REXO1: variants seen among roughly 807,000 people sequenced by gnomAD.
REXO1 encodes REX1, RNA exonuclease 1 homolog.
Under a neutral mutation model 102.6 loss-of-function variants are expected in REXO1, and 42 were observed. That is an observed-to-expected ratio of 0.41 (90% CI 0.32 to 0.53). The LOEUF (loss-of-function observed/expected upper bound fraction) is 0.53, where lower values mean the gene tolerates loss of function less well. REXO1 is among the 20% of genes least tolerant of loss of function. The probability of loss-of-function intolerance (pLI) is 0.27; values close to 1 mark genes in which losing one functional copy is unlikely to be tolerated. For missense variants in REXO1, 1,819 were observed against 1,732.5 expected, an observed-to-expected ratio of 1.05 and a Z score of -0.89; for synonymous variants, 908 against 779.1, an observed-to-expected ratio of 1.17 and a Z score of -2.76.
At position 1,818,418 on chromosome 19, in the gene REXO1, C is replaced by G. The variant is rs556514298; in HGVS notation, c.3016+64G>C. 83 of 1,309,026 alleles carry G rather than the reference C, an allele frequency of 6.3e-5. No homozygotes were observed. The African/African-American group carries it at 1.2e-3, about 18-fold the overall frequency. 81.1% of individuals were successfully genotyped at this position (1,309,026 alleles called of 1,614,324 possible). Reference sequence around the variant, plus strand: ...AGCCTTACCCCAGTTCTGGGGGCCTCAAGGGAGGGCCCAGGTTCCGGGGGC... The same window carrying G: ...AGCCTTACCCCAGTTCTGGGGGCCTGAAGGGAGGGCCCAGGTTCCGGGGGC... On this transcript the variant is annotated intron_variant, in intron 10 of 15. Coordinates refer to ENST00000170168, the MANE Select transcript of REXO1 (RefSeq NM_020695.4).
At chr19:1,840,862 G>A (rs2011242517) in intron 1 of REXO1, among the ~76,000 whole-genome samples, 1 of 152,170 alleles carries the variant, frequency 6.6e-6, no homozygotes, top group South Asian at 2.1e-4. Context: ...GCTTTACAGA[G>A]AACACTGAAG....
rs780996743 is a variant in REXO1 at position 1,827,366 on chromosome 19, G to A, written c.1423C>T (p.Arg475Cys). Residue 475 changes from arginine (R) to cysteine (C), a missense_variant, in exon 2 of 16, where the codon CGC becomes TGC. Coordinates refer to ENST00000170168, the MANE Select transcript of REXO1 (RefSeq NM_020695.4). The stretch of plus-strand genomic sequence containing the variant: ...TTCCTGTCGGGCAGCTGGAGGGGGC[G>A]GGGTGGGCCTCTGCCGGCCGCCGGT... Reference protein sequence around the residue: ...SRPAAGRGPPRPLQLPDRKST... With the variant: ...SRPAAGRGPPCPLQLPDRKST... The A allele has an allele frequency of 9.1e-6, 14 of 1,537,470 alleles. No individual in the cohort carries two copies. Among genetic ancestry groups the A allele is most frequent in the South Asian group, 1.2e-5 (1 of 85,486 alleles).
At chr19:1,821,023 C>CAAAAAAACA (rs1568685367) in intron 5 of REXO1, among the ~76,000 whole-genome samples, 4 of 148,878 alleles carry the variant, frequency 2.7e-5, no homozygotes, top group Non-Finnish European at 4.5e-5. Context: ...ACCAACCAAC[C>CAAAAAAACA]AAAAAAACAA....
At chr19:1,829,399 C>G (rs1408510664) in intron 1 of REXO1, among the ~76,000 whole-genome samples, 1 of 152,232 alleles carries the variant, frequency 6.6e-6, no homozygotes, top group Admixed American at 6.5e-5. Flanking sequence ...CCATCACACC[C>G]AGCTAATTTT....
intron 12 of REXO1, 68 bp from the exon 13 acceptor site, chr19:1,816,881 C>CT (rs1373675021): frequency 4.1e-6 from 5 of 1,211,408 alleles, no homozygotes; most frequent in East Asian, 4.8e-5. Flanking sequence ...TTCCCTGCCC[C>CT]TTTGAGTCTC....
In REXO1 at chr19:1,828,495, C is replaced by T; in HGVS notation, c.294G>A (p.Val98=). ...GCTGCTCCAGCTCCACCTCACTGCG[C>T]ACGGCCTCGATGGCCTGGTTGACCA... ...LELVNQAIEA[V]RSEVELEQRR... Residue 98 remains valine, a synonymous_variant, in exon 2 of 16, where the codon GTG becomes GTA. Coordinates refer to ENST00000170168, the MANE Select transcript of REXO1 (RefSeq NM_020695.4). 6.2e-7 allele frequency: 1 copy of T among 1,605,402 alleles called. No homozygotes were observed. The highest frequency in any genetic ancestry group is 8.5e-7 in the Non-Finnish European group (1 of 1,179,818).
chr19:1,848,192 C>G lies in REXO1; in HGVS notation c.157+10G>C. On this transcript the variant is annotated intron_variant, in intron 1 of 15. Transcript: ENST00000170168. ...GCCGAGCCCAAGGCAAGCAGGCGGGCGGGCATTACCTGCTGCGGGGGGCGC... is the reference window on the plus strand; with the variant it reads ...GCCGAGCCCAAGGCAAGCAGGCGGGGGGGCATTACCTGCTGCGGGGGGCGC... 8.3e-7 allele frequency: 1 copy of G among 1,200,968 alleles called. No individual in the cohort carries two copies. The highest frequency in any genetic ancestry group is 1.0e-6 in the Non-Finnish European group (1 of 960,302). 74.4% of individuals were successfully genotyped at this position (1,200,968 alleles called of 1,614,324 possible).
chr19:1,848,055 G>A, intron 1 of REXO1, 147 bp downstream of exon 1: 1 of 392,664 alleles, frequency 2.5e-6, no homozygotes, highest in East Asian at 3.8e-5. Flanking sequence ...CAGGGTGGGT[G>A]GTTCCGGTCC....
At position 1,816,250 on chromosome 19, in the gene REXO1, G is replaced by A; in HGVS notation, c.3552C>T (p.Tyr1184=). The part of the protein sequence containing the change: ...KRSLRNLMAD[Y]LRQIIQDNVD... The stretch of plus-strand genomic sequence containing the variant: ...CATTGTCCTGGATGATCTGTCTGAG[G>A]TAGTCGGCCATGAGGTTCCGCAGGG... The change falls in exon 15 of 16, where the codon TAC becomes TAT. Residue 1184 remains tyrosine, a synonymous_variant. Transcript: ENST00000170168. The A allele has an allele frequency of 6.3e-7, 1 of 1,589,408 alleles. No individual in the cohort carries two copies. The highest frequency in any genetic ancestry group is 1.1e-5 in the South Asian group (1 of 87,758).
At chr19:1,840,445 T>C (rs2011228238) in intron 1 of REXO1, among the ~76,000 whole-genome samples, 2 of 151,886 alleles carry the variant, frequency 1.3e-5, no homozygotes, top group Non-Finnish European at 2.9e-5. Context: ...AGACAGCATA[T>C]CAACAGTGAG....
chr19:1,818,616 G>A (rs777843463), intron 9 of REXO1, 21 bp from the exon 10 acceptor site: 21 of 1,607,642 alleles, frequency 1.3e-5, no homozygotes, highest in African/African-American at 2.7e-5. Context: ...GGACCCAGGT[G>A]GAAGCTGAGG....
rs114056289 is a variant in REXO1 at position 1,831,033 on chromosome 19, C to T, written c.158-2402G>A. 8.1e-3 allele frequency among the ~76,000 whole-genome samples: 1,232 copies of T among 152,322 alleles called. 19 individuals are homozygous for T. Among genetic ancestry groups the T allele is most frequent in the African/African-American group, 0.027 (1,139 of 41,568 alleles). ...GCACACTCTCACCTTTGAAAAGCAG[C>T]TCCACAAACCCAGTGAGATCAGATT... On this transcript the variant is annotated intron_variant, in intron 1 of 15. Coordinates refer to ENST00000170168, the MANE Select transcript of REXO1 (RefSeq NM_020695.4).
chr19:1,816,033 C>G lies in REXO1; in HGVS notation c.*33G>C. 6.5e-7 allele frequency: 1 copy of G among 1,540,786 alleles called. No homozygotes were observed. The highest frequency in any genetic ancestry group is 2.4e-5 in the East Asian group (1 of 40,956). ...GGCATGGGGCTAAGGACCAGCGGGA[C>G]GGCAGGAGAGGCGGGTGGGAGGCGG... On this transcript the variant is annotated 3_prime_UTR_variant, in exon 16 of 16. Transcript: ENST00000170168.
At chr19:1,825,379 C>T (rs1205718175) in intron 3 of REXO1, among the ~76,000 whole-genome samples, 3 of 150,690 alleles carry the variant, frequency 2.0e-5, no homozygotes, top group African/African-American at 7.3e-5. Context: ...CAGTGGCTCA[C>T]GCCTGTAATC....
rs769377112 is a variant in REXO1, at chr19:1,818,724, C to CCCTCAG, written c.2883_2884insCTGAGG (p.Glu961_Glu962insLeuArg). Reference sequence around the variant, plus strand: ...GACTCACAGTCCTTGGGCCTCTTCTCCTCAGCTGTGAAGATGATTGCGCCC... The same window carrying CCCTCAG: ...GACTCACAGTCCTTGGGCCTCTTCTCCCTCAGCTCAGCTGTGAAGATGATTGCGCCC... On this transcript the variant is annotated inframe_insertion, in exon 9 of 16. Coordinates refer to ENST00000170168, the MANE Select transcript of REXO1 (RefSeq NM_020695.4). 152 of 1,611,156 alleles carry CCCTCAG rather than the reference C, an allele frequency of 9.4e-5. 1 individual carries two copies. The Middle Eastern group carries it at 1.2e-3, about 12-fold the overall frequency.
At chr19:1,824,745 T>C (rs2069657130) in intron 3 of REXO1, among the ~76,000 whole-genome samples, 1 of 152,060 alleles carries the variant, frequency 6.6e-6, no homozygotes. Flanking sequence ...ACAGGAACAA[T>C]GTCCCAAAGA....
chr19:1,846,676 G>A (rs1296347928), intron 1 of REXO1, among the ~76,000 whole-genome samples: 1 of 152,146 alleles, frequency 6.6e-6, no homozygotes, highest in Admixed American at 6.5e-5. Context: ...TCGGCTCGAG[G>A]CCAGGAGTTT....
chr19:1,816,825 G>T lies in REXO1; in HGVS notation c.3202-12C>A. On this transcript the variant is annotated splice_polypyrimidine_tract_variant and intron_variant, in intron 12 of 15. Transcript: ENST00000170168. Reference sequence around the variant, plus strand: ...TATGTGGTGTAGGACTGCGGGCAAGGGATGCACCTCAGATGTGTCCCAGGC... The same window carrying T: ...TATGTGGTGTAGGACTGCGGGCAAGTGATGCACCTCAGATGTGTCCCAGGC... 6.3e-7 allele frequency: 1 copy of T among 1,595,526 alleles called. No homozygotes were observed.
rs374068068 is a variant in REXO1 at position 1,816,580 on chromosome 19, G to A, written c.3318-11C>T. On this transcript the variant is annotated splice_polypyrimidine_tract_variant and intron_variant, in intron 13 of 15. Coordinates refer to ENST00000170168, the MANE Select transcript of REXO1 (RefSeq NM_020695.4). Reference sequence around the variant, plus strand: ...GTCACCCCCGAAAACCTGGGGGAACGGGCAGGAGGGGCACCAGGGCTCAGC... The same window carrying A: ...GTCACCCCCGAAAACCTGGGGGAACAGGCAGGAGGGGCACCAGGGCTCAGC... 8.3e-5 allele frequency: 134 copies of A among 1,606,938 alleles called. No individual in the cohort carries two copies. The highest frequency in any genetic ancestry group is 1.7e-4 in the Middle Eastern group (1 of 6,060).
Sources: gnomAD v4.1 joint callset for allele counts (sites outside exome capture counted in the v4.1 genomes callset) on GRCh38, gnomAD v4.1.1 for gene constraint, MANE v1.5 for transcripts, NCBI Gene and HGNC (gene_info 2026-07-23, HGNC 2026-07-21) for gene names.